The following COL23A1 variants were observed in gnomAD, a reference collection of about 807,000 sequenced individuals.
The protein encoded by COL23A1 is collagen type XXIII alpha 1 chain.
Under a neutral mutation model 99.3 loss-of-function variants are expected in COL23A1, and 97 were observed. The observed-to-expected ratio is 0.98, with a 90% CI of 0.83 to 1.16. COL23A1 has a LOEUF of 1.16. Among genes scored for constraint, COL23A1 ranks in the 50% most tolerant of loss-of-function variants. The probability of loss-of-function intolerance (pLI) is 0.00; values close to 1 mark genes in which losing one functional copy is unlikely to be tolerated. For missense variants in COL23A1, 762 were observed against 757.4 expected, an observed-to-expected ratio of 1.01 and a Z score of -0.07; for synonymous variants, 320 against 308.2, an observed-to-expected ratio of 1.04 and a Z score of -0.40.
chr5:178,335,963 T>G (rs780713898), intron 2 of COL23A1, among the ~76,000 whole-genome samples: 27 of 152,204 alleles, frequency 1.8e-4, no homozygotes, highest in Non-Finnish European at 3.2e-4. Context: ...AGCTTTTAGG[T>G]GGCTATGTTT....
At position 178,506,867 on chromosome 5, in the gene COL23A1, A is replaced by G. The variant is rs1485532842; in HGVS notation, c.361+53815T>C. On this transcript the variant is annotated intron_variant, in intron 2 of 28. Coordinates refer to ENST00000390654, the MANE Select transcript of COL23A1 (RefSeq NM_173465.4). ...CTTTTTGTCTCTTTGTCCCACTTGG[A>G]ATGCACGAATTACTGCGTTCAAAGT... Among the ~76,000 whole-genome samples the G allele has an allele frequency of 9.2e-5, 14 of 152,328 alleles. No homozygotes were observed. In the South Asian group the frequency reaches 1.7e-3, roughly 18 times the overall value.
intron 2 of COL23A1, among the ~76,000 whole-genome samples, chr5:178,352,875 T>C (rs1397328889): frequency 6.6e-6 from 1 of 152,178 alleles, no homozygotes; most frequent in Admixed American, 6.5e-5. Context: ...ACCGAATATT[T>C]TGGGGAGAAA....
intron 2 of COL23A1, among the ~76,000 whole-genome samples, chr5:178,464,577 G>C (rs73338647): frequency 0.021 from 3,188 of 152,260 alleles, 134 homozygotes; most frequent in African/African-American, 0.073. Flanking sequence ...CCAGCCCCAG[G>C]TTACCTGTGA....
rs1757709040 is a variant in COL23A1, at chr5:178,487,657, A to C, written c.361+73025T>G. On this transcript the variant is annotated intron_variant, in intron 2 of 28. Transcript: ENST00000390654. ...CGGAGAGTCCTGGGACCCAACTGCCACAGCGTCTCCTATCTCTCCTGGGAA... is the reference window on the plus strand; with the variant it reads ...CGGAGAGTCCTGGGACCCAACTGCCCCAGCGTCTCCTATCTCTCCTGGGAA... 2.6e-5 allele frequency among the ~76,000 whole-genome samples: 4 copies of C among 152,176 alleles called. No individual in the cohort carries two copies. In the South Asian group the frequency reaches 8.3e-4, roughly 32 times the overall value.
intron 1 of COL23A1, among the ~76,000 whole-genome samples, chr5:178,585,726 C>CGCCCT (rs1562115538): frequency 2.3e-3 from 4 of 1,774 alleles, no homozygotes; most frequent in African/African-American, 7.5e-3. Context: ...GCTGGGGTAA[C>CGCCCT]ACTCCACAGC....
At chr5:178,259,487 T>C (rs371024178) in intron 12 of COL23A1, among the ~76,000 whole-genome samples, 1 of 152,136 alleles carries the variant, frequency 6.6e-6, no homozygotes, top group Non-Finnish European at 1.5e-5. Flanking sequence ...AGGGAAAGAA[T>C]GAGTGAGTGA....
intron 2 of COL23A1, among the ~76,000 whole-genome samples, chr5:178,404,580 C>T (rs1031440214): frequency 1.6e-5 from 1 of 63,672 alleles, no homozygotes; most frequent in Admixed American, 2.0e-4. Context: ...CTGGCCCAGC[C>T]CCTCCATTGG....
intron 1 of COL23A1, among the ~76,000 whole-genome samples, chr5:178,584,494 G>A (rs1262312109): frequency 3.9e-5 from 6 of 152,090 alleles, no homozygotes; most frequent in Admixed American, 1.3e-4. Flanking sequence ...GAACCACCAC[G>A]CCCCAGCCTG....
chr5:178,431,437 G>T (rs1347199423), intron 2 of COL23A1, among the ~76,000 whole-genome samples: 1 of 152,194 alleles, frequency 6.6e-6, no homozygotes, highest in Non-Finnish European at 1.5e-5. Flanking sequence ...CCCGCGAATG[G>T]TTCCTTCTGT....
intron 3 of COL23A1, among the ~76,000 whole-genome samples, chr5:178,300,731 A>ATTTTT (rs774880764): frequency 2.7e-5 from 4 of 150,342 alleles, no homozygotes; most frequent in African/African-American, 9.9e-5. Context: ...GTATTTATTT[A>ATTTTT]TTTATTTTTT....
chr5:178,366,567 C>T lies in COL23A1; in HGVS notation c.362-59648G>A, dbSNP rs756378561. ...CCCAACAGAGTGCTTTCAGATCACC[C>T]GCCCTGCGAAAATGTGTCGGTGATC... On this transcript the variant is annotated intron_variant, in intron 2 of 28. Coordinates refer to ENST00000390654, the MANE Select transcript of COL23A1 (RefSeq NM_173465.4). The surrounding 1 kb of genome is among the most constrained non-coding windows in gnomAD (Gnocchi z 4.4). Among the ~76,000 whole-genome samples the T allele has an allele frequency of 3.0e-4, 45 of 152,184 alleles. No individual in the cohort carries two copies. Among genetic ancestry groups the T allele is most frequent in the Non-Finnish European group, 5.3e-4 (36 of 68,030 alleles).
chr5:178,268,964 G>A (rs1016314023), intron 6 of COL23A1, among the ~76,000 whole-genome samples: 3 of 152,108 alleles, frequency 2.0e-5, no homozygotes, highest in Non-Finnish European at 4.4e-5. Flanking sequence ...TGAGGGATAC[G>A]GGGGAATTGC....
rs1327507728 is a variant in COL23A1, at chr5:178,358,705, GTGTGTATGTGTGTA to G, written c.362-51800_362-51787del. On this transcript the variant is annotated intron_variant, in intron 2 of 28. Coordinates refer to ENST00000390654, the MANE Select transcript of COL23A1 (RefSeq NM_173465.4). ...TGTATGTGTGTGTATGTATGTGTAT[GTGTGTATGTGTGTA>G]TGTGTATGTGTGTATGTGTATCTGT... Among the ~76,000 whole-genome samples the G allele has an allele frequency of 4.6e-3, 676 of 148,190 alleles. 3 individuals are homozygous for G. The highest frequency in any genetic ancestry group is 0.016 in the African/African-American group (628 of 39,692).
intron 2 of COL23A1, among the ~76,000 whole-genome samples, chr5:178,511,988 C>T (rs940780721): frequency 2.0e-5 from 3 of 152,166 alleles, no homozygotes; most frequent in Non-Finnish European, 2.9e-5. Flanking sequence ...TCTTTTTGGA[C>T]GGCCATTTGG....
chr5:178,549,118 C>T (rs542450648), intron 2 of COL23A1, among the ~76,000 whole-genome samples: 23 of 152,226 alleles, frequency 1.5e-4, no homozygotes, highest in South Asian at 6.2e-4. Context: ...GCCTCAGCCC[C>T]GAGGAGCTGG....
At chr5:178,264,866 G>A (rs147443084) in intron 8 of COL23A1, among the ~76,000 whole-genome samples, 6 of 152,210 alleles carry the variant, frequency 3.9e-5, no homozygotes, top group East Asian at 1.9e-4. Flanking sequence ...GGCTGGTTTC[G>A]AACTCCTGAC....
chr5:178,494,768 C>T (rs996013840), intron 2 of COL23A1, among the ~76,000 whole-genome samples: 7 of 152,168 alleles, frequency 4.6e-5, no homozygotes, highest in Non-Finnish European at 1.0e-4. Flanking sequence ...AGCCCCTTTC[C>T]ACCTCATCCA....
Position 178,307,432 on chromosome 5 carries a change from G to T in COL23A1, c.362-513C>A, listed in dbSNP as rs1484756691. 2.0e-5 allele frequency among the ~76,000 whole-genome samples: 3 copies of T among 152,258 alleles called. No individual in the cohort carries two copies. Among genetic ancestry groups the T allele is most frequent in the Non-Finnish European group, 2.9e-5 (2 of 68,052 alleles). ...ATGACAGGCACTACACGATCCGCCTGCAGTCTCCGCCACTCGCTGGGGCCT... is the reference window on the plus strand; with the variant it reads ...ATGACAGGCACTACACGATCCGCCTTCAGTCTCCGCCACTCGCTGGGGCCT... On this transcript the variant is annotated intron_variant, in intron 2 of 28. Transcript: ENST00000390654. The surrounding 1 kb of genome is among the most constrained non-coding windows in gnomAD (Gnocchi z 4.2).
intron 1 of COL23A1, among the ~76,000 whole-genome samples, chr5:178,566,770 C>T (rs1171113437): frequency 1.3e-5 from 2 of 151,764 alleles, no homozygotes; most frequent in Admixed American, 1.3e-4. Context: ...GAGCCAAGAT[C>T]GTGCCACTGC....
Sources: gnomAD v4.1 joint callset for allele counts (sites outside exome capture counted in the v4.1 genomes callset) on GRCh38, gnomAD v4.1.1 for gene constraint, Gnocchi (gnomAD v3.1) non-coding constraint, MANE v1.5 for transcripts, NCBI Gene and HGNC (gene_info 2026-07-23, HGNC 2026-07-21) for gene names.